ZNF592: variants seen among roughly 807,000 people sequenced by gnomAD.
ZNF592 encodes zinc finger protein 592, also known as spinocerebellar ataxia, autosomal recessive 5.
Under a neutral mutation model 80.3 loss-of-function variants are expected in ZNF592, and 11 were observed. The observed-to-expected ratio is 0.14, with a 90% CI of 0.09 to 0.23. ZNF592 has a LOEUF of 0.23. Ranked by LOEUF, ZNF592 falls within the 10% of genes least tolerant of loss-of-function variation. ZNF592 has a pLI of 1.00. For synonymous variants in ZNF592, 646 were observed against 640.3 expected (o/e 1.01, Z -0.13); for missense variants, 1,420 against 1,633.9 (o/e 0.87, Z 2.26).
chr15:84,755,738 C>T (rs898610734), intron 1 of ZNF592, among the ~76,000 whole-genome samples: 4 of 152,104 alleles, frequency 2.6e-5, no homozygotes, highest in African/African-American at 7.2e-5. Context: ...CATTGAATGC[C>T]CTAAAGCAAA....
intron 2 of ZNF592, among the ~76,000 whole-genome samples, chr15:84,775,978 G>T (rs1165079823): frequency 6.6e-6 from 1 of 152,210 alleles, no homozygotes; most frequent in East Asian, 1.9e-4. Flanking sequence ...TTGTCAATCT[G>T]CCAGTCTTAG....
At position 84,798,842 on chromosome 15, in the gene ZNF592, C is replaced by A; in HGVS notation, c.2991C>A (p.Ser997Arg). The A allele has an allele frequency of 6.3e-7, 1 of 1,599,184 alleles. No individual in the cohort carries two copies. Among genetic ancestry groups the A allele is most frequent in the Non-Finnish European group, 8.5e-7 (1 of 1,179,754 alleles). The part of the protein sequence containing the change: ...ECQEWVPDRE[S>R]YVSHMKKSHG... ...AGGAGTGGGTTCCAGATCGGGAGAG[C>A]TACGTGTCCCACATGAAAAAGAGCC... The change falls in exon 8 of 11, where the codon AGC becomes AGA. Residue 997 changes from serine (S) to arginine (R), a missense_variant. Transcript: ENST00000560079. The surrounding 1 kb of genome is among the most constrained non-coding windows in gnomAD (Gnocchi z 4.5).
At chr15:84,780,610 T>G (rs766166949) in intron 3 of ZNF592, among the ~76,000 whole-genome samples, 86 of 152,158 alleles carry the variant, frequency 5.7e-4, no homozygotes, top group Non-Finnish European at 1.1e-3. Flanking sequence ...TGGGAGGGAG[T>G]GAGTTTTCAT....
chr15:84,791,490 G>GA (rs926909477), intron 5 of ZNF592, among the ~76,000 whole-genome samples: 9 of 152,054 alleles, frequency 5.9e-5, no homozygotes, highest in Non-Finnish European at 1.0e-4. Context: ...CAAAGTGAGG[G>GA]AAAAAACTTC....
At chr15:84,774,870 T>C (rs1962197044) in intron 2 of ZNF592, among the ~76,000 whole-genome samples, 1 of 152,128 alleles carries the variant, frequency 6.6e-6, no homozygotes, top group Non-Finnish European at 1.5e-5. Flanking sequence ...AACCTCTGCC[T>C]CCCAGGTTCA....
At chr15:84,792,562 C>T (rs1446325248) in intron 5 of ZNF592, among the ~76,000 whole-genome samples, 1 of 151,998 alleles carries the variant, frequency 6.6e-6, no homozygotes, top group Admixed American at 6.5e-5. Context: ...GTGATCCTCC[C>T]ATCTCGGCCT....
In ZNF592 at chr15:84,802,479, GC is replaced by G; in HGVS notation, c.*91del. The G allele has an allele frequency of 6.7e-7, 1 of 1,502,716 alleles. No homozygotes were observed. The highest frequency in any genetic ancestry group is 9.1e-7 in the Non-Finnish European group (1 of 1,099,776). 93.1% of individuals were successfully genotyped at this position (1,502,716 alleles called of 1,614,324 possible). A position where few individuals can be genotyped will look rare whatever the true frequency, so the allele number is the denominator to read the frequency against. ...CGGACCGTGGAAAATAAAAGGCTCT[GC>G]CCCCAGTGTGAGTGTGACCGGTTGT... On this transcript the variant is annotated 3_prime_UTR_variant, in exon 11 of 11. Coordinates refer to ENST00000560079, the MANE Select transcript of ZNF592 (RefSeq NM_014630.3).
chr15:84,784,046 C>G lies in ZNF592; in HGVS notation c.1371C>G (p.Asp457Glu). 1 of 1,612,858 alleles carries G rather than the reference C, an allele frequency of 6.2e-7. No individual in the cohort carries two copies. Among genetic ancestry groups the G allele is most frequent in the Non-Finnish European group, 8.5e-7 (1 of 1,179,006 alleles). ...KGDESMTKASDSSSPSCSSGP... is the reference protein window; with the variant it reads ...KGDESMTKASESSSPSCSSGP... ...ACGAGAGCATGACAAAGGCCAGTGA[C>G]TCGTCATCTCCCAGCTGCAGTTCTG... The change falls in exon 4 of 11, where the codon GAC becomes GAG. Residue 457 changes from aspartate to glutamate, a missense_variant. This residue lies in a region of ZNF592 where 524 missense variants were observed against 628.3 expected (regional missense o/e 0.83). Coordinates refer to ENST00000560079, the MANE Select transcript of ZNF592 (RefSeq NM_014630.3). This position sits in a 1 kb window ranked among gnomAD's most constrained non-coding sequence, Gnocchi z 5.8.
chr15:84,756,294 G>T (rs1899167924), intron 1 of ZNF592, among the ~76,000 whole-genome samples: 1 of 152,258 alleles, frequency 6.6e-6, no homozygotes, highest in East Asian at 1.9e-4. Context: ...GAGCCAATGT[G>T]AGCCAGCAGA....
intron 1 of ZNF592, among the ~76,000 whole-genome samples, chr15:84,754,966 T>G (rs1412058526): frequency 3.4e-5 from 5 of 146,786 alleles, no homozygotes; most frequent in Non-Finnish European, 4.5e-5. Flanking sequence ...CTGAGTTGTT[T>G]TTTTTTTTTT....
chr15:84,795,800 G>T (rs1962877890), intron 5 of ZNF592, among the ~76,000 whole-genome samples: 3 of 152,114 alleles, frequency 2.0e-5, no homozygotes, highest in Admixed American at 6.5e-5. Context: ...ATGCTCTGTG[G>T]AGTTTATCAC....
chr15:84,767,624 A>G (rs1399214542), intron 2 of ZNF592, among the ~76,000 whole-genome samples: 1 of 152,102 alleles, frequency 6.6e-6, no homozygotes, highest in Non-Finnish European at 1.5e-5. Flanking sequence ...ATCAGTTTGT[A>G]TCTAAATTGT....
chr15:84,790,839 T>C lies in ZNF592; in HGVS notation c.2355T>C (p.His785=), dbSNP rs771144461. ...GCCGCTCTGCCTACTTCCAGACCCATGTAAAGGAGAATTGCCTGCACTATG... is the reference window on the plus strand; with the variant it reads ...GCCGCTCTGCCTACTTCCAGACCCACGTAAAGGAGAATTGCCTGCACTATG... The part of the protein sequence containing the change: ...VLCRSAYFQT[H]VKENCLHYAR... The change falls in exon 5 of 11, where the codon CAT becomes CAC. Residue 785 remains histidine (H), a synonymous_variant. Transcript: ENST00000560079. 6.1e-5 allele frequency: 99 copies of C among 1,614,140 alleles called. No homozygotes were observed. The highest frequency in any genetic ancestry group is 8.4e-5 in the Non-Finnish European group (99 of 1,180,026).
chr15:84,787,380 G>A (rs937913998), intron 4 of ZNF592, among the ~76,000 whole-genome samples: 4 of 152,212 alleles, frequency 2.6e-5, no homozygotes, highest in Non-Finnish European at 5.9e-5. Context: ...TGGCTTCTGA[G>A]TCTCAGGGAA....
chr15:84,783,990 T>A lies in ZNF592; in HGVS notation c.1315T>A (p.Ser439Thr). The change falls in exon 4 of 11, where the codon TCA (serine) becomes ACA (threonine). Residue 439 changes from serine (S) to threonine (T), a missense_variant. This residue lies in a region of ZNF592 where 524 missense variants were observed against 628.3 expected (regional missense o/e 0.83). Transcript: ENST00000560079. This position sits in a 1 kb window ranked among gnomAD's most constrained non-coding sequence, Gnocchi z 5.0. Reference sequence around the variant, plus strand: ...GCACTTTCCTGAGGCAGGCACAAATTCAGGGAGCCCCCAGGGGGCCAGGAA... The same window carrying A: ...GCACTTTCCTGAGGCAGGCACAAATACAGGGAGCCCCCAGGGGGCCAGGAA... The part of the protein sequence containing the change: ...EEHFPEAGTN[S>T]GSPQGARKGD... 6.2e-7 allele frequency: 1 copy of A among 1,611,696 alleles called. No individual in the cohort carries two copies. The highest frequency in any genetic ancestry group is 1.7e-5 in the Admixed American group (1 of 59,898).
intron 3 of ZNF592, among the ~76,000 whole-genome samples, chr15:84,779,987 T>TTC (rs2141982447): frequency 6.8e-6 from 1 of 147,294 alleles, no homozygotes; most frequent in East Asian, 2.0e-4. Context: ...CTAGACAGTT[T>TTC]TGTTTTTTTT....
intron 2 of ZNF592, among the ~76,000 whole-genome samples, chr15:84,773,627 T>TAA (rs1319825225): frequency 6.6e-6 from 1 of 152,154 alleles, no homozygotes; most frequent in Non-Finnish European, 1.5e-5. Flanking sequence ...GCCCAGTACA[T>TAA]ATTTTATTTC....
chr15:84,751,225 G>A (rs28525107), intron 1 of ZNF592, among the ~76,000 whole-genome samples: 2 of 152,174 alleles, frequency 1.3e-5, no homozygotes, highest in Non-Finnish European at 2.9e-5. Flanking sequence ...ATACATTATT[G>A]TATTTAACTT....
intron 3 of ZNF592, among the ~76,000 whole-genome samples, chr15:84,780,463 C>A (rs1007165485): frequency 6.6e-6 from 1 of 152,126 alleles, no homozygotes; most frequent in Admixed American, 6.5e-5. Flanking sequence ...TTATGGGTTC[C>A]AACACCTCCT....
Sources: allele counts gnomAD v4.1 joint callset (sites outside exome capture counted in the v4.1 genomes callset), GRCh38; gene constraint gnomAD v4.1.1; regional missense constraint gnomAD v4.1.1; non-coding constraint Gnocchi (gnomAD v3.1); transcripts MANE v1.5; gene names NCBI Gene and HGNC (gene_info 2026-07-23, HGNC 2026-07-21).